MAGI1: variants seen among roughly 807,000 people sequenced by gnomAD.
MAGI1 encodes the protein membrane-associated guanylate kinase, WW and PDZ domain-containing protein 1.
Under a neutral mutation model 139.9 loss-of-function variants are expected in MAGI1, and 58 were observed. That is an observed-to-expected ratio of 0.41 (90% confidence interval 0.34 to 0.52). MAGI1 has a LOEUF of 0.52. Among genes scored for constraint, MAGI1 ranks in the 20% least tolerant of loss-of-function variants. The probability of loss-of-function intolerance (pLI) is 0.12; values close to 1 mark genes in which losing one functional copy is unlikely to be tolerated. For synonymous variants in MAGI1, 812 were observed against 737.9 expected, an observed-to-expected ratio of 1.10 and a Z score of -1.63; for missense variants, 1,874 against 1,901.6, an observed-to-expected ratio of 0.99 and a Z score of 0.27.
intron 1 of MAGI1, among the ~76,000 whole-genome samples, chr3:65,861,778 C>A (rs886430608): frequency 5.3e-5 from 8 of 152,124 alleles, no homozygotes; most frequent in African/African-American, 1.9e-4. Context: ...ATCACAGGGA[C>A]TGGGCCTTCA....
intron 1 of MAGI1, among the ~76,000 whole-genome samples, chr3:66,004,237 G>A (rs940644022): frequency 1.3e-5 from 2 of 152,134 alleles, no homozygotes; most frequent in Non-Finnish European, 2.9e-5. Context: ...CGGTTCTGTG[G>A]TTCAGGAAGT....
At chr3:65,421,861 T>C (rs1410365271) in intron 12 of MAGI1, among the ~76,000 whole-genome samples, 1 of 152,002 alleles carries the variant, frequency 6.6e-6, no homozygotes, top group East Asian at 1.9e-4. Flanking sequence ...TCCCCTAACA[T>C]CCAGTTAACA....
chr3:65,603,556 C>T (rs764501424), intron 2 of MAGI1, among the ~76,000 whole-genome samples: 1 of 152,230 alleles, frequency 6.6e-6, no homozygotes, highest in Non-Finnish European at 1.5e-5. Context: ...GCATTACTGC[C>T]ATCGAACAGA....
chr3:65,995,664 G>A (rs539205127), intron 1 of MAGI1, among the ~76,000 whole-genome samples: 3 of 152,106 alleles, frequency 2.0e-5, no homozygotes, highest in Non-Finnish European at 4.4e-5. Flanking sequence ...CATTCCTGAA[G>A]CAGCAAATTT....
chr3:65,470,608 T>TC, intron 4 of MAGI1, 124 bp from the exon 5 acceptor site: 1 of 579,192 alleles, frequency 1.7e-6, no homozygotes, highest in Non-Finnish European at 3.0e-6. Flanking sequence ...AATGCTCTTA[T>TC]CCTTTCCTAA....
At chr3:65,885,715 C>T (rs996297581) in intron 1 of MAGI1, among the ~76,000 whole-genome samples, 6 of 152,302 alleles carry the variant, frequency 3.9e-5, no homozygotes, top group East Asian at 1.9e-4. Context: ...GACTTTGCTC[C>T]TCCTTCACCT....
chr3:65,970,074 G>A (rs1022958200), intron 1 of MAGI1, among the ~76,000 whole-genome samples: 1 of 152,160 alleles, frequency 6.6e-6, no homozygotes, highest in Non-Finnish European at 1.5e-5. Flanking sequence ...GAAAGGAGCA[G>A]AAACAGAAGC....
intron 12 of MAGI1, 99 bp from the exon 13 acceptor site, chr3:65,401,569 C>A: frequency 6.4e-7 from 1 of 1,557,822 alleles, no homozygotes; most frequent in East Asian, 2.4e-5. Flanking sequence ...TCCATGGCAA[C>A]CTAGCCATCT....
At chr3:66,036,650 C>T (rs900332945) in intron 1 of MAGI1, among the ~76,000 whole-genome samples, 2 of 152,202 alleles carry the variant, frequency 1.3e-5, no homozygotes, top group African/African-American at 4.8e-5. Context: ...TCGGCCGCCC[C>T]CTCCTCCATT....
At chr3:65,911,801 C>T (rs1398398568) in intron 1 of MAGI1, among the ~76,000 whole-genome samples, 2 of 152,142 alleles carry the variant, frequency 1.3e-5, no homozygotes, top group Non-Finnish European at 2.9e-5. Flanking sequence ...AACTTGGCAC[C>T]CAGAAGGTGA....
chr3:65,789,698 G>T (rs974341195), intron 1 of MAGI1, among the ~76,000 whole-genome samples: 3 of 152,136 alleles, frequency 2.0e-5, no homozygotes, highest in African/African-American at 4.8e-5. Context: ...ATTTAGCCGG[G>T]ATCTCCCTCG....
intron 2 of MAGI1, among the ~76,000 whole-genome samples, chr3:65,594,015 C>T (rs1021705367): frequency 2.6e-5 from 4 of 152,186 alleles, no homozygotes; most frequent in Admixed American, 1.3e-4. Flanking sequence ...CTCAGATCTT[C>T]TCAAACATTT....
chr3:65,367,237 T>G (rs1200006802), intron 18 of MAGI1, among the ~76,000 whole-genome samples: 2 of 152,214 alleles, frequency 1.3e-5, no homozygotes. Flanking sequence ...TCTTTACAGT[T>G]CTTGTGTGTT....
intron 14 of MAGI1, among the ~76,000 whole-genome samples, chr3:65,388,530 A>G (rs913714082): frequency 6.6e-6 from 1 of 152,172 alleles, no homozygotes; most frequent in African/African-American, 2.4e-5. Context: ...GATCTCAGAT[A>G]AAGAAAAATA....
At chr3:65,618,999 C>T (rs568287401) in intron 2 of MAGI1, among the ~76,000 whole-genome samples, 13 of 152,230 alleles carry the variant, frequency 8.5e-5, no homozygotes, top group Non-Finnish European at 1.5e-4. Flanking sequence ...CATGCCCTTT[C>T]TTCTTACTGT....
chr3:65,515,001 C>G (rs573077901), intron 2 of MAGI1, among the ~76,000 whole-genome samples: 23 of 148,338 alleles, frequency 1.6e-4, no homozygotes, highest in African/African-American at 5.8e-4. Context: ...GAGTTCGTGT[C>G]CTTTATAGGG....
At chr3:65,406,137 C>G (rs900867744) in intron 12 of MAGI1, among the ~76,000 whole-genome samples, 2 of 151,970 alleles carry the variant, frequency 1.3e-5, no homozygotes, top group Admixed American at 6.6e-5. Context: ...TTACTTTTCC[C>G]CAAAATGAAT....
intron 1 of MAGI1, among the ~76,000 whole-genome samples, chr3:65,816,180 T>C (rs952355449): frequency 2.0e-5 from 3 of 151,994 alleles, no homozygotes; most frequent in Non-Finnish European, 4.4e-5. Context: ...AGAGTCATGG[T>C]TGGAAATCAC....
intron 2 of MAGI1, among the ~76,000 whole-genome samples, chr3:65,527,818 G>C (rs1439659483): frequency 6.6e-6 from 1 of 151,554 alleles, no homozygotes; most frequent in Non-Finnish European, 1.5e-5. Flanking sequence ...AGGAGGCTGA[G>C]GTAGGAGAAT....
Sources: gnomAD v4.1 joint callset for allele counts (sites outside exome capture counted in the v4.1 genomes callset) on GRCh38, gnomAD v4.1.1 for gene constraint, MANE v1.5 for transcripts, NCBI Gene and HGNC (gene_info 2026-07-23, HGNC 2026-07-21) for gene names.